RANBP2: variants seen among roughly 807,000 people sequenced by gnomAD.
RANBP2 encodes the protein RAN binding protein 2.
A neutral mutation model predicts 303.6 loss-of-function variants in RANBP2; 57 were observed. That is an observed-to-expected ratio of 0.19 (90% CI 0.15 to 0.23). The LOEUF is 0.23. RANBP2 is among the 10% of genes least tolerant of loss of function. RANBP2 has a pLI of 1.00. For synonymous variants in RANBP2, 1,167 were observed against 1,301.5 expected (o/e 0.90, Z 2.23); for missense variants, 3,138 against 3,780.8 (o/e 0.83, Z 4.46).
At chr2:109,429,061 G>A in the RANBP2 span, among the ~76,000 whole-genome samples, 4 of 152,220 alleles carry the variant, frequency 2.6e-5, no homozygotes, top group Non-Finnish European at 5.9e-5. Context: ...GGTAACAGGC[G>A]ATGCCACTGT....
chr2:109,678,148 T>G, the RANBP2 span, among the ~76,000 whole-genome samples: 1 of 152,240 alleles, frequency 6.6e-6, no homozygotes, highest in South Asian at 2.1e-4. Flanking sequence ...ACCAAGCAAT[T>G]CTTACAGCAA....
chr2:109,308,234 T>C, the RANBP2 span, among the ~76,000 whole-genome samples: 2 of 129,894 alleles, frequency 1.5e-5, 1 homozygote, highest in Admixed American at 1.5e-4. Flanking sequence ...TTGAGAAGTG[T>C]CTGTTCACAT....
the RANBP2 span, among the ~76,000 whole-genome samples, chr2:108,866,789 A>G: frequency 3.9e-5 from 6 of 152,096 alleles, no homozygotes; most frequent in African/African-American, 1.2e-4. Context: ...AGACTGAGGC[A>G]GGAGAATTGC....
At chr2:109,502,583 T>C in the RANBP2 span, 8 of 152,132 alleles carry the variant, frequency 5.3e-5, no homozygotes, top group African/African-American at 1.4e-4. Context: ...GGTGGATCCA[T>C]TGAGGGGGTC....
At chr2:108,835,916 G>A in the RANBP2 span, among the ~76,000 whole-genome samples, 1 of 152,122 alleles carries the variant, frequency 6.6e-6, no homozygotes, top group East Asian at 1.9e-4. Context: ...CATGGCACAG[G>A]GCAGAAGAGC....
At chr2:109,135,752 A>G in the RANBP2 span, among the ~76,000 whole-genome samples, 3 of 152,286 alleles carry the variant, frequency 2.0e-5, no homozygotes, top group Non-Finnish European at 2.9e-5. Context: ...TGGATCGTCA[A>G]GCATTACTGG....
chr2:109,236,848 A>T, the RANBP2 span, among the ~76,000 whole-genome samples: 1 of 152,224 alleles, frequency 6.6e-6, no homozygotes, highest in Non-Finnish European at 1.5e-5. Context: ...TTGCAGGTAC[A>T]GTCTCCGGCT....
At chr2:108,876,476 T>C in the RANBP2 span, 3 of 326,962 alleles carry the variant, frequency 9.2e-6, no homozygotes, top group East Asian at 9.5e-5. Flanking sequence ...ATGGCGTTTC[T>C]AGAATGTATG....
the RANBP2 span, chr2:109,419,447 G>T: frequency 7.6e-7 from 1 of 1,319,530 alleles, no homozygotes; most frequent in Non-Finnish European, 1.0e-6. Flanking sequence ...GCGAAGCACA[G>T]GCACCTGTGG....
At chr2:108,870,571 A>C in the RANBP2 span, among the ~76,000 whole-genome samples, 1 of 148,002 alleles carries the variant, frequency 6.8e-6, no homozygotes, top group African/African-American at 2.7e-5. Flanking sequence ...TGAAACTGTC[A>C]AAAGTAAAAG....
chr2:109,730,979 G>C, the RANBP2 span, among the ~76,000 whole-genome samples: 1 of 151,914 alleles, frequency 6.6e-6, no homozygotes, highest in African/African-American at 2.4e-5. Context: ...GTAGAGACAG[G>C]GTTTCTCCAT....
At chr2:109,074,264 A>G in the RANBP2 span, among the ~76,000 whole-genome samples, 5 of 150,548 alleles carry the variant, frequency 3.3e-5, no homozygotes, top group Non-Finnish European at 1.5e-5. Context: ...GCTACTCGGG[A>G]GGCTGAAGCA....
chr2:109,010,067 A>G, the RANBP2 span, among the ~76,000 whole-genome samples: 2 of 152,246 alleles, frequency 1.3e-5, no homozygotes, highest in African/African-American at 4.8e-5. Flanking sequence ...TACATTGTAA[A>G]TGGATACTTC....
chr2:109,103,220 C>A, the RANBP2 span, among the ~76,000 whole-genome samples: 5 of 152,250 alleles, frequency 3.3e-5, no homozygotes, highest in South Asian at 1.0e-3. Context: ...TTATAACTAC[C>A]GTGATGGTGT....
At chr2:109,743,044 G>T in the RANBP2 span, among the ~76,000 whole-genome samples, 1 of 148,220 alleles carries the variant, frequency 6.7e-6, no homozygotes, top group East Asian at 1.9e-4. Context: ...GCGGAGATGG[G>T]AGAATCACTT....
At chr2:109,692,630 C>T in the RANBP2 span, among the ~76,000 whole-genome samples, 5 of 151,998 alleles carry the variant, frequency 3.3e-5, no homozygotes, top group Non-Finnish European at 7.4e-5. Flanking sequence ...GGGAGGGAGG[C>T]CCACTTCCCC....
At chr2:109,701,872 A>C in the RANBP2 span, among the ~76,000 whole-genome samples, 2 of 152,182 alleles carry the variant, frequency 1.3e-5, no homozygotes, top group Admixed American at 6.5e-5. Flanking sequence ...TTTAGGAACC[A>C]CAAAGGCCAG....
At chr2:109,478,138 A>T in the RANBP2 span, among the ~76,000 whole-genome samples, 3 of 152,200 alleles carry the variant, frequency 2.0e-5, no homozygotes, top group Admixed American at 1.3e-4. Flanking sequence ...GAGCTGCCTG[A>T]TTGGAGGCCG....
the RANBP2 span, among the ~76,000 whole-genome samples, chr2:108,946,626 A>G: frequency 2.0e-5 from 3 of 152,240 alleles, no homozygotes; most frequent in African/African-American, 7.2e-5. Flanking sequence ...ACTTACAGTC[A>G]TAGCAGAAGG....
Sources: allele counts gnomAD v4.1 joint callset (sites outside exome capture counted in the v4.1 genomes callset), GRCh38; gene constraint gnomAD v4.1.1; transcripts MANE v1.5; gene names NCBI Gene and HGNC (gene_info 2026-07-23, HGNC 2026-07-21).